Variants in ATG7 observed in about 807,000 individuals in gnomAD.
ATG7 encodes the protein autophagy related 7.
In ATG7, 70 loss-of-function variants were observed where a neutral mutation model predicts 82.4. The ratio of observed to expected loss-of-function variants is 0.85; its 90% CI spans 0.70 to 1.04. ATG7 has a LOEUF of 1.04. Among genes scored for constraint, ATG7 ranks in the 50% least tolerant of loss-of-function variants. The pLI, the probability that ATG7 is intolerant of heterozygous loss-of-function variation, is 0.00. For synonymous variants in ATG7, 287 were observed against 313.0 expected (o/e 0.92, Z 0.88); for missense variants, 792 against 864.3 (o/e 0.92, Z 1.05).
intron 3 of ATG7, among the ~76,000 whole-genome samples, chr3:11,285,099 C>G (rs1360921208): frequency 6.7e-6 from 1 of 148,780 alleles, no homozygotes; most frequent in African/African-American, 2.5e-5. Flanking sequence ...ATTTGCCCAC[C>G]TCGGCCTCCC....
chr3:11,292,884 G>A (rs1398975027), intron 3 of ATG7, among the ~76,000 whole-genome samples: 1 of 152,174 alleles, frequency 6.6e-6, no homozygotes, highest in Non-Finnish European at 1.5e-5. Context: ...CCTTGCTGCT[G>A]TGCCTAGTTT....
At chr3:11,302,929 G>A (rs1387433163) in intron 5 of ATG7, among the ~76,000 whole-genome samples, 1 of 152,202 alleles carries the variant, frequency 6.6e-6, no homozygotes, top group African/African-American at 2.4e-5. Context: ...GGAATATGCT[G>A]TCTTGAGTTA....
chr3:11,439,069 C>CTTTTTTTTTT (rs67206280), intron 20 of ATG7, among the ~76,000 whole-genome samples: 6 of 121,976 alleles, frequency 4.9e-5, no homozygotes, highest in East Asian at 2.3e-4. Context: ...TTCTTTCTTT[C>CTTTTTTTTTT]TTTTTTTTTT....
At chr3:11,287,500 A>G (rs560780319) in intron 3 of ATG7, among the ~76,000 whole-genome samples, 1 of 152,340 alleles carries the variant, frequency 6.6e-6, no homozygotes, top group African/African-American at 2.4e-5. Context: ...GCCGTGGGGT[A>G]GAACTAGAAA....
chr3:11,491,959 G>T (rs1402136828), intron 20 of ATG7, among the ~76,000 whole-genome samples: 2 of 152,190 alleles, frequency 1.3e-5, no homozygotes, highest in Non-Finnish European at 2.9e-5. Flanking sequence ...ACAGAGGCAG[G>T]TAGGCCTCCT....
intron 20 of ATG7, among the ~76,000 whole-genome samples, chr3:11,437,684 C>T (rs773663562): frequency 2.0e-5 from 3 of 152,124 alleles, no homozygotes; most frequent in African/African-American, 7.2e-5. Context: ...AACATTTTGC[C>T]ACATGTGGTT....
chr3:11,458,748 C>A (rs1003180330), intron 20 of ATG7, among the ~76,000 whole-genome samples: 1 of 152,158 alleles, frequency 6.6e-6, no homozygotes, highest in African/African-American at 2.4e-5. Flanking sequence ...CAAGATAATT[C>A]TCTGTCTTTG....
chr3:11,511,467 G>A (rs3930743), intron 20 of ATG7, among the ~76,000 whole-genome samples: 6 of 152,270 alleles, frequency 3.9e-5, no homozygotes, highest in Middle Eastern at 3.4e-3. Context: ...TGGTGTATTT[G>A]TAATCCCTGA....
rs1164896864 is a variant in ATG7, at chr3:11,540,918, G to GC, written c.2080-13893_2080-13892insC. On this transcript the variant is annotated intron_variant, in intron 20 of 20. Coordinates refer to ENST00000693202, the MANE Select transcript of ATG7 (RefSeq NM_001349232.2). Reference sequence around the variant, plus strand: ...GTTTTAGCTTTTTTTGGGGGGGGGAGGGGGGGAGTCTTGCTCTGTCGCCCA... The same window carrying GC: ...GTTTTAGCTTTTTTTGGGGGGGGGAGCGGGGGGAGTCTTGCTCTGTCGCCCA... Among the ~76,000 whole-genome samples, 288 of 107,046 alleles carry GC rather than the reference G, an allele frequency of 2.7e-3. 5 individuals carry two copies. The highest frequency in any genetic ancestry group is 0.012 in the African/African-American group (265 of 22,092). 70.2% of individuals were successfully genotyped at this position (107,046 alleles called of 152,430 possible).
At chr3:11,466,930 G>A (rs2086881369) in intron 20 of ATG7, among the ~76,000 whole-genome samples, 1 of 152,182 alleles carries the variant, frequency 6.6e-6, no homozygotes. Context: ...AGGAGTTTGA[G>A]ATCAGCCTGA....
chr3:11,422,616 T>C (rs1461891270), intron 19 of ATG7, among the ~76,000 whole-genome samples: 5 of 152,294 alleles, frequency 3.3e-5, no homozygotes, highest in African/African-American at 7.2e-5. Context: ...GTAGCACTTA[T>C]AATTTCCTTC....
intron 20 of ATG7, among the ~76,000 whole-genome samples, chr3:11,468,347 C>T (rs2087053345): frequency 6.6e-6 from 1 of 152,162 alleles, no homozygotes; most frequent in Non-Finnish European, 1.5e-5. Context: ...CCGCCACTTC[C>T]CTGGAAGAAC....
intron 4 of ATG7, 43 bp from the exon 5 acceptor site, chr3:11,299,319 A>G (rs767291563): frequency 1.3e-6 from 2 of 1,569,938 alleles, no homozygotes; most frequent in Non-Finnish European, 1.8e-6. Flanking sequence ...GAACGCTGCT[A>G]TTTCTGACTT....
intron 20 of ATG7, 31 bp downstream of exon 20, chr3:11,426,957 G>A (rs1383183611): frequency 3.2e-6 from 5 of 1,549,840 alleles, no homozygotes; most frequent in Non-Finnish European, 4.3e-6. Flanking sequence ...CTGTAGTGAA[G>A]ACTGACATGC....
intron 8 of ATG7, among the ~76,000 whole-genome samples, chr3:11,314,472 G>A (rs1949117201): frequency 6.6e-6 from 1 of 152,122 alleles, no homozygotes. Flanking sequence ...TTCCCAAGAG[G>A]AAATATAAGT....
intron 18 of ATG7, among the ~76,000 whole-genome samples, chr3:11,379,643 G>C (rs2077719597): frequency 6.6e-6 from 1 of 152,128 alleles, no homozygotes; most frequent in African/African-American, 2.4e-5. Context: ...CAGTGGACCT[G>C]TTCAACATTT....
intron 20 of ATG7, 47 bp from the exon 21 acceptor site, chr3:11,554,764 C>A (rs775373999): frequency 6.2e-7 from 1 of 1,608,760 alleles, no homozygotes. Context: ...GTGCCCCCCA[C>A]CGGGCAGTGG....
chr3:11,344,703 CA>C (rs571969004), intron 13 of ATG7, among the ~76,000 whole-genome samples: 1 of 151,602 alleles, frequency 6.6e-6, no homozygotes, highest in Non-Finnish European at 1.5e-5. Flanking sequence ...TCCATCTCTA[CA>C]AAAAAAATAT....
intron 20 of ATG7, among the ~76,000 whole-genome samples, chr3:11,488,144 C>T (rs1165390726): frequency 4.2e-4 from 19 of 44,976 alleles, no homozygotes; most frequent in East Asian, 1.1e-3. Flanking sequence ...CGGGCGGAGA[C>T]GCTCCTCACT....
Sources: gnomAD v4.1 joint callset for allele counts (sites outside exome capture counted in the v4.1 genomes callset) on GRCh38, gnomAD v4.1.1 for gene constraint, MANE v1.5 for transcripts, NCBI Gene and HGNC (gene_info 2026-07-23, HGNC 2026-07-21) for gene names.